The following AGTPBP1 variants were observed in gnomAD, a reference collection of about 807,000 sequenced individuals.
The protein encoded by AGTPBP1 is cytosolic carboxypeptidase 1.
In AGTPBP1, 70 loss-of-function variants were observed where a neutral mutation model predicts 143.9. That is an observed-to-expected ratio of 0.49 (90% CI 0.40 to 0.59). The LOEUF is 0.59. AGTPBP1 is among the 20% of genes least tolerant of loss of function. AGTPBP1 has a pLI of 0.00. For missense variants in AGTPBP1, 1,229 were observed against 1,464.5 expected, an observed-to-expected ratio of 0.84 and a Z score of 2.62; for synonymous variants, 463 against 500.2, an observed-to-expected ratio of 0.93 and a Z score of 0.99.
chr9:85,596,871 C>T (rs1829330797), intron 17 of AGTPBP1, among the ~76,000 whole-genome samples: 1 of 152,126 alleles, frequency 6.6e-6, no homozygotes, highest in Non-Finnish European at 1.5e-5. Flanking sequence ...GCTTTCCTCC[C>T]CACCGTTCTC....
chr9:85,676,114 T>C (rs1834815421), intron 6 of AGTPBP1, among the ~76,000 whole-genome samples: 1 of 152,078 alleles, frequency 6.6e-6, no homozygotes, highest in Non-Finnish European at 1.5e-5. Flanking sequence ...TAAGAAAACA[T>C]TGGAGAAATG....
chr9:85,682,901 C>T (rs1463327277), intron 3 of AGTPBP1, among the ~76,000 whole-genome samples: 1 of 152,196 alleles, frequency 6.6e-6, no homozygotes, highest in African/African-American at 2.4e-5. Context: ...GAAAAATGTA[C>T]TACAGAAGGG....
chr9:85,612,609 C>G (rs947245847), intron 17 of AGTPBP1, among the ~76,000 whole-genome samples: 2 of 152,164 alleles, frequency 1.3e-5, no homozygotes, highest in African/African-American at 4.8e-5. Context: ...TTATGGGACC[C>G]CCTGTTTGTA....
the AGTPBP1 span, among the ~76,000 whole-genome samples, chr9:85,793,791 T>C: frequency 3.9e-5 from 6 of 152,154 alleles, no homozygotes; most frequent in Admixed American, 1.3e-4. Context: ...GGGCCAGTAC[T>C]GTGGGGTTTA....
chr9:85,681,526 T>C (rs1418220032), intron 3 of AGTPBP1, among the ~76,000 whole-genome samples, 191 bp from the exon 4 acceptor site: 1 of 152,128 alleles, frequency 6.6e-6, no homozygotes, highest in Non-Finnish European at 1.5e-5. Context: ...TCAGTTAACA[T>C]GGCATTCTTC....
chr9:85,692,611 G>T, intron 3 of AGTPBP1, 78 bp downstream of exon 3: 2 of 1,534,228 alleles, frequency 1.3e-6, no homozygotes, highest in Non-Finnish European at 8.8e-7. Flanking sequence ...TCCATTATTA[G>T]AAGTTTGAAC....
chr9:85,591,221 G>A (rs1828943568), intron 19 of AGTPBP1, among the ~76,000 whole-genome samples: 1 of 151,782 alleles, frequency 6.6e-6, no homozygotes, highest in Non-Finnish European at 1.5e-5. Context: ...AAAGGACAGG[G>A]TGAATCACGG....
the AGTPBP1 span, among the ~76,000 whole-genome samples, chr9:85,758,893 A>G: frequency 2.6e-5 from 4 of 152,148 alleles, 1 homozygote; most frequent in South Asian, 8.3e-4. Flanking sequence ...GTGCAGAGAC[A>G]CACATAGGCT....
chr9:85,619,308 A>G lies in AGTPBP1; in HGVS notation c.2100-7T>C, dbSNP rs1376893666. The G allele has an allele frequency of 1.3e-6, 2 of 1,589,974 alleles. No homozygotes were observed. The highest frequency in any genetic ancestry group is 8.6e-7 in the Non-Finnish European group (1 of 1,164,576). On this transcript the variant is annotated splice_polypyrimidine_tract_variant and splice_region_variant and intron_variant, in intron 15 of 25. Coordinates refer to ENST00000357081, the MANE Select transcript of AGTPBP1 (RefSeq NM_001330701.2). ...CTCTTCTGGAATGGTGTAACTAAAT[A>G]AAAGTTTTAAAGTAAATGTATTAAA...
At chr9:85,773,690 A>C in the AGTPBP1 span, 1 of 618,190 alleles carries the variant, frequency 1.6e-6, no homozygotes, top group African/African-American at 1.9e-5. Flanking sequence ...ATATGTTACA[A>C]AGCATTTGCC....
the AGTPBP1 span, among the ~76,000 whole-genome samples, chr9:85,783,817 T>C: frequency 3.3e-5 from 5 of 152,074 alleles, no homozygotes; most frequent in Non-Finnish European, 7.4e-5. Context: ...GTATTTTTAG[T>C]AGAGACCATG....
rs61447666 is a variant in AGTPBP1, at chr9:85,677,479, T to C, written c.393A>G (p.Leu131=). 3,313 of 1,606,766 alleles carry C rather than the reference T, an allele frequency of 2.1e-3. 60 individuals carry two copies. In the African/African-American group the frequency reaches 0.036, roughly 18 times the overall value. Residue 131 remains leucine (L), a synonymous_variant, in exon 6 of 26, where the codon TTA becomes TTG. Transcript: ENST00000357081. The stretch of plus-strand genomic sequence containing the variant: ...CAAGAATAGAATGAATCTGTACCAT[T>C]AAGTCCTCATGTGGGGGAGATTCTT... ...ASKESPPHED[L]MVQIHSILAK...
At chr9:85,761,491 T>C in the AGTPBP1 span, among the ~76,000 whole-genome samples, 1 of 152,170 alleles carries the variant, frequency 6.6e-6, no homozygotes, top group Non-Finnish European at 1.5e-5. Context: ...CTCTCTGATC[T>C]TTGACAAACC....
chr9:85,585,553 T>C lies in AGTPBP1; in HGVS notation c.3075A>G (p.Val1025=), dbSNP rs1828551010. The stretch of plus-strand genomic sequence containing the variant: ...CTTTGATGCTGCAACCATACATAAA[T>C]ACATTCTTCTTTCGGGAATGGCCAT... ...DYHGHSRKKN[V]FMYGCSIKET... Residue 1025 remains valine, a synonymous_variant, in exon 23 of 26, where the codon GTA becomes GTG. Coordinates refer to ENST00000357081, the MANE Select transcript of AGTPBP1 (RefSeq NM_001330701.2). The C allele has an allele frequency of 5.6e-6, 9 of 1,609,278 alleles. No individual in the cohort carries two copies. The highest frequency in any genetic ancestry group is 7.6e-6 in the Non-Finnish European group (9 of 1,177,944).
At chr9:85,656,030 T>TGTTA (rs1375884774) in intron 10 of AGTPBP1, among the ~76,000 whole-genome samples, 1 of 152,182 alleles carries the variant, frequency 6.6e-6, no homozygotes, top group Non-Finnish European at 1.5e-5. Context: ...GGTTTCACCA[T>TGTTA]GTTAGCCAGG....
At chr9:85,625,904 G>GTTTTTTTTTTTTTTTTTTT in intron 14 of AGTPBP1, among the ~76,000 whole-genome samples, 1 of 105,720 alleles carries the variant, frequency 9.5e-6, no homozygotes, top group Non-Finnish European at 1.8e-5. Context: ...ACCTAGTTTT[G>GTTTTTTTTTTTTTTTTTTT]TTTTTTTTTT....
chr9:85,606,804 A>G (rs1361015216), intron 17 of AGTPBP1, among the ~76,000 whole-genome samples: 1 of 152,084 alleles, frequency 6.6e-6, no homozygotes, highest in East Asian at 1.9e-4. Context: ...CAGGCATAGA[A>G]AGACAAATAT....
intron 1 of AGTPBP1, among the ~76,000 whole-genome samples, chr9:85,729,130 A>G (rs62570617): frequency 0.015 from 2,254 of 152,314 alleles, 25 homozygotes; most frequent in Middle Eastern, 0.037. Flanking sequence ...TTTGACATGC[A>G]TGTCAAGTCC....
At chr9:85,760,468 C>A in the AGTPBP1 span, among the ~76,000 whole-genome samples, 2 of 152,218 alleles carry the variant, frequency 1.3e-5, no homozygotes, top group South Asian at 4.1e-4. Context: ...GTTCAACATA[C>A]GCAAATCAAT....
Sources: allele counts gnomAD v4.1 joint callset (sites outside exome capture counted in the v4.1 genomes callset), GRCh38; gene constraint gnomAD v4.1.1; transcripts MANE v1.5; gene names NCBI Gene and HGNC (gene_info 2026-07-23, HGNC 2026-07-21).